Variants in TERT observed in about 807,000 individuals in gnomAD.
The protein encoded by TERT is telomerase catalytic subunit.
TERT carries 42 observed loss-of-function variants against 104.0 expected under a neutral mutation model. The observed-to-expected ratio is 0.40, with a 90% confidence interval of 0.32 to 0.52. TERT has a LOEUF of 0.52. TERT is among the 20% of genes least tolerant of loss of function. The pLI, the probability that TERT is intolerant of heterozygous loss-of-function variation, is 0.43. For synonymous variants in TERT, 781 were observed against 725.6 expected (o/e 1.08, Z -1.23); for missense variants, 1,101 against 1,610.3 (o/e 0.68, Z 5.41).
chr5:1,278,902 C>T lies in TERT; in HGVS notation c.2131-106G>A, dbSNP rs1369403486. ...CGGTGTCCCCCACTCTCTCTCTGAC[C>T]CCCACCACTCCAGACCCCAAGGGCA... is the stretch of plus-strand genomic sequence containing the variant. On this transcript the variant is annotated intron_variant, in intron 5 of 15. Coordinates refer to ENST00000310581, the MANE Select transcript of TERT (RefSeq NM_198253.3). 8 of 1,471,688 alleles carry T rather than the reference C, an allele frequency of 5.4e-6. No individual in the cohort carries two copies. The South Asian group carries it at 6.9e-5, about 13-fold the overall frequency. 91.2% of individuals were successfully genotyped at this position (1,471,688 alleles called of 1,614,324 possible).
At chr5:1,284,556 A>AT (rs1750336220) in intron 2 of TERT, among the ~76,000 whole-genome samples, 1 of 149,034 alleles carries the variant, frequency 6.7e-6, no homozygotes. Context: ...AGCTCACCGC[A>AT]GGGTCTGGCG....
intron 3 of TERT, among the ~76,000 whole-genome samples, chr5:1,281,526 C>A (rs2126647468): frequency 6.6e-6 from 1 of 152,352 alleles, no homozygotes; most frequent in Non-Finnish European, 1.5e-5. Flanking sequence ...AGGCTGGCAT[C>A]TCCCAGACCA....
intron 2 of TERT, among the ~76,000 whole-genome samples, chr5:1,290,597 G>A (rs1162444270): frequency 1.4e-5 from 1 of 70,750 alleles, no homozygotes; most frequent in East Asian, 3.6e-4. Flanking sequence ...CCCGGGGACC[G>A]CGCCTCACTC....
rs184369732 is a variant in TERT, at chr5:1,286,600, G to A, written c.1574-3976C>T. Among the ~76,000 whole-genome samples, 751 of 152,220 alleles carry A rather than the reference G, an allele frequency of 4.9e-3. 7 individuals are homozygous for A. The highest frequency in any genetic ancestry group is 0.017 in the African/African-American group (702 of 41,518). The stretch of plus-strand genomic sequence containing the variant: ...TCATTTTAAAAGATCAAGGTATGCC[G>A]GGCACGGTGGCTTGCACCTGTAATC... On this transcript the variant is annotated intron_variant, in intron 2 of 15. Coordinates refer to ENST00000310581, the MANE Select transcript of TERT (RefSeq NM_198253.3). The surrounding 1 kb of genome is among the most constrained non-coding windows in gnomAD (Gnocchi z 5.3).
rs1235827138 is a variant in TERT, at chr5:1,269,375, C to T, written c.2469-742G>A. Among the ~76,000 whole-genome samples the T allele has an allele frequency of 3.3e-5, 5 of 152,038 alleles. No homozygotes were observed. The highest frequency in any genetic ancestry group is 4.2e-4 in the South Asian group (2 of 4,812). ...CTGTAATCCCAGCACTTTGGGAGGC[C>T]GAGGTGGGTGGATCACCTGAGGTCA... is the stretch of plus-strand genomic sequence containing the variant. On this transcript the variant is annotated intron_variant, in intron 8 of 15. Transcript: ENST00000310581. The surrounding 1 kb of genome is among the most constrained non-coding windows in gnomAD (Gnocchi z 9.0).
rs1206173369 is a variant in TERT, at chr5:1,288,225, G to C, written c.1573+5088C>G. ...ACTTTGAAGTATTTTAAGAACACTT[G>C]AAAGTGGCTGATGTTGAGATTACTT... is the stretch of plus-strand genomic sequence containing the variant. On this transcript the variant is annotated intron_variant, in intron 2 of 15. Coordinates refer to ENST00000310581, the MANE Select transcript of TERT (RefSeq NM_198253.3). The surrounding 1 kb of genome is among the most constrained non-coding windows in gnomAD (Gnocchi z 5.3). 6.6e-6 allele frequency among the ~76,000 whole-genome samples: 1 copy of C among 152,184 alleles called. No individual in the cohort carries two copies. The highest frequency in any genetic ancestry group is 2.4e-5 in the African/African-American group (1 of 41,458).
intron 15 of TERT, among the ~76,000 whole-genome samples, 158 bp downstream of exon 15, chr5:1,254,209 GT>G (rs1561186333): frequency 1.3e-5 from 2 of 152,284 alleles, no homozygotes. Flanking sequence ...GGACACCAGC[GT>G]TTAATCACAT....
chr5:1,293,797 G>A lies in TERT; in HGVS notation c.1089C>T (p.Thr363=). 1.3e-6 allele frequency: 2 copies of A among 1,551,954 alleles called. No individual in the cohort carries two copies. The highest frequency in any genetic ancestry group is 4.9e-5 in the East Asian group (2 of 41,150). The change falls in exon 2 of 16, where the codon ACC becomes ACT. Residue 363 remains threonine, a synonymous_variant. Transcript: ENST00000310581. ...TCCAGGGCCTGGAACCCAGAAAGATGGTCTCCACGAGCCTCCGAGCGCCAG... is the reference window on the plus strand; with the variant it reads ...TCCAGGGCCTGGAACCCAGAAAGATAGTCTCCACGAGCCTCCGAGCGCCAG... The part of the protein sequence containing the change: ...SLTGARRLVE[T]IFLGSRPWMP...
At chr5:1,271,706 C>T (rs539433166) in intron 7 of TERT, among the ~76,000 whole-genome samples, 29 of 152,328 alleles carry the variant, frequency 1.9e-4, no homozygotes, top group African/African-American at 5.8e-4. Flanking sequence ...CACAGGGCCA[C>T]GTGGACAGAC....
At chr5:1,275,376 CAAAA>C (rs111367509) in intron 6 of TERT, among the ~76,000 whole-genome samples, 2 of 109,630 alleles carry the variant, frequency 1.8e-5, no homozygotes, top group Admixed American at 9.8e-5. Flanking sequence ...ACTCTGTTAT[CAAAA>C]AAAAAAAAAA....
rs7719661 is a variant in TERT, at chr5:1,277,688, A to G, written c.2286+953T>C. Among the ~76,000 whole-genome samples, 1,487 of 149,686 alleles carry G rather than the reference A, an allele frequency of 9.9e-3. 26 individuals carry two copies. Among genetic ancestry groups the G allele is most frequent in the African/African-American group, 0.033 (1,317 of 39,912 alleles). On this transcript the variant is annotated intron_variant, in intron 6 of 15. Transcript: ENST00000310581. ...GGGACGGGGGGGTCTCCTGGGCTCT[A>G]GTGACTTTCTACACCTGGGCACAGG...
chr5:1,275,278 G>A (rs1458544490), intron 6 of TERT, among the ~76,000 whole-genome samples: 1 of 151,614 alleles, frequency 6.6e-6, no homozygotes, highest in Non-Finnish European at 1.5e-5. Context: ...GGAGGCTGAG[G>A]CAAGAGAATT....
chr5:1,259,823 G>C (rs1196553467), intron 12 of TERT, among the ~76,000 whole-genome samples: 1 of 146,624 alleles, frequency 6.8e-6, no homozygotes, highest in African/African-American at 2.6e-5. Flanking sequence ...CACAGGAGAG[G>C]GAGTGGACGC....
intron 6 of TERT, among the ~76,000 whole-genome samples, chr5:1,275,363 G>A (rs1342212615): frequency 2.0e-5 from 3 of 148,452 alleles, no homozygotes; most frequent in East Asian, 1.9e-4. Flanking sequence ...AAAAAAGAGC[G>A]AGACTCTGTT....
chr5:1,274,001 C>T lies in TERT; in HGVS notation c.2287-1721G>A, dbSNP rs1198047115. On this transcript the variant is annotated intron_variant, in intron 6 of 15. Coordinates refer to ENST00000310581, the MANE Select transcript of TERT (RefSeq NM_198253.3). This position sits in a 1 kb window ranked among gnomAD's most constrained non-coding sequence, Gnocchi z 5.3. ...CCCACCTCCTATTCTGCAGACTCCC[C>T]CAGGACGCTTGTCATTTACTACGGG... 2.0e-5 allele frequency among the ~76,000 whole-genome samples: 3 copies of T among 152,224 alleles called. No individual in the cohort carries two copies. Among genetic ancestry groups the T allele is most frequent in the African/African-American group, 7.2e-5 (3 of 41,458 alleles).
intron 13 of TERT, among the ~76,000 whole-genome samples, chr5:1,258,102 C>G (rs1041565444): frequency 1.3e-5 from 2 of 152,208 alleles, no homozygotes; most frequent in Non-Finnish European, 2.9e-5. Context: ...CACAGCCATG[C>G]CCAGAGCACA....
Position 1,263,440 on chromosome 5 carries a change from G to A in TERT, c.2843+964C>T, listed in dbSNP as rs1189062855. Among the ~76,000 whole-genome samples, 2 of 150,084 alleles carry A rather than the reference G, an allele frequency of 1.3e-5. No homozygotes were observed. Among genetic ancestry groups the A allele is most frequent in the Non-Finnish European group, 3.0e-5 (2 of 67,716 alleles). ...TTTTTTTAAGATGAAGTCTCACTCT[G>A]TTGCCCAGGCTGGAGTGCAGTGGTG... is the stretch of plus-strand genomic sequence containing the variant. On this transcript the variant is annotated intron_variant, in intron 11 of 15. Transcript: ENST00000310581. The surrounding 1 kb of genome is among the most constrained non-coding windows in gnomAD (Gnocchi z 5.3).
Position 1,287,458 on chromosome 5 carries a change from C to A in TERT, c.1574-4834G>T, listed in dbSNP as rs1750561671. ...AAGTTACACTGACCTGTGATCACACCACTGCACTCACCCTGGGCGACAGAC... is the reference window on the plus strand; with the variant it reads ...AAGTTACACTGACCTGTGATCACACAACTGCACTCACCCTGGGCGACAGAC... On this transcript the variant is annotated intron_variant, in intron 2 of 15. Transcript: ENST00000310581. This position sits in a 1 kb window ranked among gnomAD's most constrained non-coding sequence, Gnocchi z 4.3. 1.3e-5 allele frequency among the ~76,000 whole-genome samples: 2 copies of A among 150,092 alleles called. No homozygotes were observed. Among genetic ancestry groups the A allele is most frequent in the African/African-American group, 4.9e-5 (2 of 40,636 alleles).
In TERT at chr5:1,265,681, G is replaced by A. The variant is rs1248612878; in HGVS notation, c.2654+783C>T. ...GACCTGGAGGGTGGACTTGGAGGGC[G>A]GGTCCAAATGGGTTTTCACAAACAC... On this transcript the variant is annotated intron_variant, in intron 10 of 15. Coordinates refer to ENST00000310581, the MANE Select transcript of TERT (RefSeq NM_198253.3). The surrounding 1 kb of genome is among the most constrained non-coding windows in gnomAD (Gnocchi z 6.9). 2.6e-5 allele frequency among the ~76,000 whole-genome samples: 4 copies of A among 152,080 alleles called. No individual in the cohort carries two copies. The highest frequency in any genetic ancestry group is 4.4e-5 in the Non-Finnish European group (3 of 68,020).
Sources: gnomAD v4.1 joint callset for allele counts (sites outside exome capture counted in the v4.1 genomes callset) on GRCh38, gnomAD v4.1.1 for gene constraint, Gnocchi (gnomAD v3.1) non-coding constraint, MANE v1.5 for transcripts, NCBI Gene and HGNC (gene_info 2026-07-23, HGNC 2026-07-21) for gene names.